The following EDARADD variants were observed in gnomAD, a reference collection of about 807,000 sequenced individuals.
EDARADD encodes the protein EDAR associated via death domain, also known as ectodysplasin-A receptor-associated adapter protein.
A neutral mutation model predicts 25.6 loss-of-function variants in EDARADD; 20 were observed. That is an observed-to-expected ratio of 0.78 (90% CI 0.55 to 1.14). EDARADD has a LOEUF of 1.14. Ranked by LOEUF, EDARADD falls within the 50% of genes most tolerant of loss-of-function variation. EDARADD has a pLI of 0.00. For synonymous variants in EDARADD, 86 were observed against 94.4 expected (o/e 0.91, Z 0.52); for missense variants, 225 against 270.1 (o/e 0.83, Z 1.17).
At chr1:236,452,156 C>T (rs1014567657) in intron 4 of EDARADD, among the ~76,000 whole-genome samples, 6 of 152,318 alleles carry the variant, frequency 3.9e-5, no homozygotes, top group South Asian at 2.1e-4. Flanking sequence ...GGCTGGTCCC[C>T]GCCCCTGCTG....
At chr1:236,447,409 G>A (rs562835812) in intron 4 of EDARADD, among the ~76,000 whole-genome samples, 2 of 151,774 alleles carry the variant, frequency 1.3e-5, no homozygotes, top group Admixed American at 6.6e-5. Context: ...GGCACGTGCC[G>A]CCACGCCTGG....
intron 5 of EDARADD, among the ~76,000 whole-genome samples, chr1:236,470,569 T>G (rs1296259345): frequency 6.6e-6 from 1 of 152,196 alleles, no homozygotes; most frequent in Non-Finnish European, 1.5e-5. Context: ...TTTTTACTTG[T>G]GTCAAAATGA....
At chr1:236,393,391 C>CTTTTT (rs761525038), upstream of EDARADD, among the ~76,000 whole-genome samples, 1,276 of 87,148 alleles carry the variant, frequency 0.015, 42 homozygotes, top group East Asian at 0.023. Context: ...TTCTTTCTTT[C>CTTTTT]TTTTTTTTTT....
chr1:236,377,595 C>T (rs1667238380), intron 3 of EDARADD, among the ~76,000 whole-genome samples: 4 of 151,532 alleles, frequency 2.6e-5, no homozygotes, highest in Admixed American at 6.6e-5. Flanking sequence ...CGTGGTGGCT[C>T]ACGCCTGTAA....
intron 5 of EDARADD, among the ~76,000 whole-genome samples, chr1:236,481,813 T>G (rs533851730): frequency 1.3e-5 from 2 of 148,344 alleles, no homozygotes; most frequent in Non-Finnish European, 1.5e-5. Context: ...TAACACATTA[T>G]TAGAAATGAG....
intron 3 of EDARADD, among the ~76,000 whole-genome samples, chr1:236,362,147 T>C (rs678553): frequency 0.35 from 53,830 of 151,812 alleles, 9,792 homozygotes; most frequent in African/African-American, 0.44. Context: ...ACAATCATAG[T>C]TCACTGTAAC....
At chr1:236,384,667 G>T (rs1475856778) in intron 3 of EDARADD, among the ~76,000 whole-genome samples, 6 of 152,124 alleles carry the variant, frequency 3.9e-5, no homozygotes, top group Non-Finnish European at 8.8e-5. Context: ...TAGATTACAG[G>T]TCTGTGCCAC....
intron 3 of EDARADD, among the ~76,000 whole-genome samples, chr1:236,375,012 A>G (rs967795022): frequency 6.6e-6 from 1 of 151,662 alleles, no homozygotes; most frequent in African/African-American, 2.4e-5. Context: ...TTGTGATTTT[A>G]ATGAAGTATT....
At chr1:236,457,490 G>C (rs1460739375) in intron 4 of EDARADD, among the ~76,000 whole-genome samples, 1 of 151,714 alleles carries the variant, frequency 6.6e-6, no homozygotes, top group East Asian at 1.9e-4. Context: ...ACTCCAGCCT[G>C]GGCAACAGAG....
At chr1:236,399,204 CAG>C (rs1667572816) in intron 1 of EDARADD, among the ~76,000 whole-genome samples, 1 of 152,018 alleles carries the variant, frequency 6.6e-6, no homozygotes, top group Non-Finnish European at 1.5e-5. Flanking sequence ...TTTTTTGAGA[CAG>C]AATCTCACTC....
intron 2 of EDARADD, among the ~76,000 whole-genome samples, chr1:236,410,117 T>C (rs1480286884): frequency 6.6e-6 from 1 of 152,162 alleles, no homozygotes; most frequent in African/African-American, 2.4e-5. Flanking sequence ...TCAGATTCCA[T>C]GGGTACGTAT....
intron 5 of EDARADD, among the ~76,000 whole-genome samples, chr1:236,470,292 A>G (rs892394025): frequency 6.6e-6 from 1 of 152,208 alleles, no homozygotes; most frequent in Non-Finnish European, 1.5e-5. Flanking sequence ...GGCCTGGGTA[A>G]TGGGAGCATT....
In EDARADD at chr1:236,483,309, C is replaced by T. The variant is rs1659733192; in HGVS notation, c.*660C>T. ...AACTGGTATCTATGAGGTCCTAGAG[C>T]TCCAGGACAATGATAAGACTCGCTA... is the stretch of plus-strand genomic sequence containing the variant. On this transcript the variant is annotated 3_prime_UTR_variant, in exon 6 of 6. Transcript: ENST00000334232. 2.5e-6 allele frequency: 4 copies of T among 1,598,902 alleles called. No individual in the cohort carries two copies. In the Admixed American group the frequency reaches 5.0e-5, roughly 20 times the overall value.
rs1571964341 is a variant in EDARADD at position 236,483,323 on chromosome 1, T to C, written c.*674T>C. On this transcript the variant is annotated 3_prime_UTR_variant, in exon 6 of 6. Coordinates refer to ENST00000334232, the MANE Select transcript of EDARADD (RefSeq NM_145861.4). ...AGGTCCTAGAGCTCCAGGACAATGA[T>C]AAGACTCGCTATATGGGGAAGGGTG... The C allele has an allele frequency of 6.3e-7, 1 of 1,595,502 alleles. No homozygotes were observed. Among genetic ancestry groups the C allele is most frequent in the Non-Finnish European group, 8.6e-7 (1 of 1,165,786 alleles).
chr1:236,402,449 A>G (rs660004), intron 1 of EDARADD, among the ~76,000 whole-genome samples: 83,165 of 151,920 alleles, frequency 0.55, 23,864 homozygotes, highest in Non-Finnish European at 0.65. Context: ...AGTCCTAGCT[A>G]CTCAAGAGGA....
At chr1:236,396,046 T>C (rs1667510243) in intron 1 of EDARADD, among the ~76,000 whole-genome samples, 1 of 152,204 alleles carries the variant, frequency 6.6e-6, no homozygotes, top group South Asian at 2.1e-4. Flanking sequence ...GGGCTTTTTC[T>C]TTCTCCCCGC....
chr1:236,391,092 G>T (rs560434898), upstream of EDARADD, among the ~76,000 whole-genome samples: 2 of 151,984 alleles, frequency 1.3e-5, no homozygotes, highest in East Asian at 3.9e-4. Context: ...GAGTACAGGC[G>T]CCTGCCACCA....
At chr1:236,361,635 T>TTTTATATATATATATATATATA (rs368920343) in intron 3 of EDARADD, among the ~76,000 whole-genome samples, 1 of 134,166 alleles carries the variant, frequency 7.5e-6, no homozygotes, top group Non-Finnish European at 1.5e-5. Flanking sequence ...CAGCCAAATT[T>TTTTATATATATATATATATATA]TATATATATA....
At chr1:236,392,345 C>T (rs1045641064), upstream of EDARADD, among the ~76,000 whole-genome samples, 9 of 152,090 alleles carry the variant, frequency 5.9e-5, no homozygotes, top group African/African-American at 1.9e-4. Context: ...TGTTTGCTTG[C>T]CTGGAGACAG....
Sources: gnomAD v4.1 joint callset for allele counts (sites outside exome capture counted in the v4.1 genomes callset) on GRCh38, gnomAD v4.1.1 for gene constraint, MANE v1.5 for transcripts, NCBI Gene and HGNC (gene_info 2026-07-23, HGNC 2026-07-21) for gene names.